Variants in PYROXD1 observed in about 807,000 individuals in gnomAD.
PYROXD1 encodes the protein tRNA ligase complex-associated NAD(P)H dehydrogenase PYROXD1.
A neutral mutation model predicts 62.0 loss-of-function variants in PYROXD1; 42 were observed. That is an observed-to-expected ratio of 0.68 (90% CI 0.53 to 0.88). The LOEUF (loss-of-function observed/expected upper bound fraction) is 0.88. PYROXD1 is among the 40% of genes least tolerant of loss of function. The pLI is 0.00. For synonymous variants in PYROXD1, 170 were observed against 206.4 expected, an observed-to-expected ratio of 0.82 and a Z score of 1.51; for missense variants, 493 against 604.8, an observed-to-expected ratio of 0.82 and a Z score of 1.94.
chr12:21,445,496 T>C, intron 3 of PYROXD1, 30 bp downstream of exon 3: 9 of 1,549,870 alleles, frequency 5.8e-6, no homozygotes, highest in Non-Finnish European at 7.8e-6. Flanking sequence ...AATAACATTT[T>C]CCATTGTTGA....
rs1025992379 is a variant in PYROXD1, at chr12:21,455,216, A to G, written c.573A>G (p.Glu191=). 6.3e-7 allele frequency: 1 copy of G among 1,582,402 alleles called. No homozygotes were observed. The highest frequency in any genetic ancestry group is 2.3e-5 in the East Asian group (1 of 43,548). The part of the protein sequence containing the change: ...GNTFFDAGAA[E]FLTSKLIAEK... ...CTTTCTTCGATGCAGGAGCAGCTGA[A>G]TTCTTGACTTCAAAGCTCATTGCTG... The change falls in exon 6 of 12, where the codon GAA becomes GAG. Residue 191 remains glutamate (E), a synonymous_variant. Transcript: ENST00000240651.
In PYROXD1 at chr12:21,440,464, T is replaced by C; in HGVS notation, c.165+16T>C. On this transcript the variant is annotated intron_variant, in intron 2 of 11. Coordinates refer to ENST00000240651, the MANE Select transcript of PYROXD1 (RefSeq NM_024854.5). Reference sequence around the variant, plus strand: ...TTTCAAGCAGGTAAGAACCTTTGTATAACTTGTTAATATTAATTTGAAAAA... The same window carrying C: ...TTTCAAGCAGGTAAGAACCTTTGTACAACTTGTTAATATTAATTTGAAAAA... The C allele has an allele frequency of 2.1e-6, 3 of 1,429,866 alleles. No individual in the cohort carries two copies. Among genetic ancestry groups the C allele is most frequent in the Non-Finnish European group, 1.9e-6 (2 of 1,032,264 alleles). The allele number at this position is 1,429,866 out of a possible 1,614,324, so 88.6% of individuals were successfully genotyped here. A position where few individuals can be genotyped will look rare whatever the true frequency, so the allele number is the denominator to read the frequency against.
At chr12:21,442,212 A>G (rs962599409) in intron 2 of PYROXD1, among the ~76,000 whole-genome samples, 2 of 152,202 alleles carry the variant, frequency 1.3e-5, no homozygotes, top group Non-Finnish European at 2.9e-5. Context: ...TATGGAGCAG[A>G]TAGAGCTGAG....
In PYROXD1 at chr12:21,462,733, T is replaced by C. The variant is rs765243887; in HGVS notation, c.994-7T>C. ...AACACTTAACGCTTATGAGGAATGTTGTTTAGTTTGATCTAGGAGAAGATG... is the reference window on the plus strand; with the variant it reads ...AACACTTAACGCTTATGAGGAATGTCGTTTAGTTTGATCTAGGAGAAGATG... On this transcript the variant is annotated splice_region_variant and splice_polypyrimidine_tract_variant and intron_variant, in intron 9 of 11. Coordinates refer to ENST00000240651, the MANE Select transcript of PYROXD1 (RefSeq NM_024854.5). The C allele has an allele frequency of 6.2e-7, 1 of 1,613,456 alleles. No individual in the cohort carries two copies. Among genetic ancestry groups the C allele is most frequent in the South Asian group, 1.1e-5 (1 of 91,022 alleles).
chr12:21,447,192 G>A (rs1942406117), intron 3 of PYROXD1, among the ~76,000 whole-genome samples: 1 of 152,052 alleles, frequency 6.6e-6, no homozygotes, highest in African/African-American at 2.4e-5. Context: ...ATGAGTTCTA[G>A]CTCATAAATT....
At chr12:21,443,609 A>T (rs1181872939) in intron 2 of PYROXD1, among the ~76,000 whole-genome samples, 1 of 152,206 alleles carries the variant, frequency 6.6e-6, no homozygotes, top group Non-Finnish European at 1.5e-5. Context: ...CTACAGAACT[A>T]CAATTATAAA....
At position 21,454,010 on chromosome 12, in the gene PYROXD1, A is replaced by G. The variant is rs182928264; in HGVS notation, c.489-1122A>G. ...TAACATAAAATAGAATGTTCACCCA[A>G]TAATCTTCTATGTTTACTGACATAG... On this transcript the variant is annotated intron_variant, in intron 5 of 11. Coordinates refer to ENST00000240651, the MANE Select transcript of PYROXD1 (RefSeq NM_024854.5). Among the ~76,000 whole-genome samples the G allele has an allele frequency of 8.0e-4, 119 of 148,888 alleles. 1 individual carries two copies. The highest frequency in any genetic ancestry group is 3.5e-3 in the Middle Eastern group (1 of 288).
chr12:21,458,751 T>C (rs904728905), intron 7 of PYROXD1, among the ~76,000 whole-genome samples: 2 of 152,088 alleles, frequency 1.3e-5, no homozygotes, highest in African/African-American at 4.8e-5. Flanking sequence ...CACAGAACAT[T>C]TATCGATTAA....
Position 21,440,393 on chromosome 12 carries a change from A to G in PYROXD1, c.110A>G (p.Asp37Gly), listed in dbSNP as rs753066463. 3.1e-6 allele frequency: 5 copies of G among 1,599,168 alleles called. No homozygotes were observed. Among genetic ancestry groups the G allele is most frequent in the Non-Finnish European group, 4.3e-6 (5 of 1,173,080 alleles). The change falls in exon 2 of 12, where the codon GAT becomes GGT. Residue 37 changes from aspartate (D) to glycine (G), a missense_variant. This residue lies in a region of PYROXD1 where 164 missense variants were observed against 158.2 expected (regional missense o/e 1.04). Transcript: ENST00000240651. The stretch of plus-strand genomic sequence containing the variant: ...TTGGCTACTCACTTTCCATCGGAAG[A>G]TATTCTCTTGGTAACAGCTTCTCCT... ...EQLATHFPSE[D>G]ILLVTASPVI...
At chr12:21,444,464 T>A (rs1942350155) in intron 2 of PYROXD1, among the ~76,000 whole-genome samples, 1 of 152,218 alleles carries the variant, frequency 6.6e-6, no homozygotes, top group Non-Finnish European at 1.5e-5. Flanking sequence ...CTCTGTATTA[T>A]GTATTGTTTG....
intron 10 of PYROXD1, among the ~76,000 whole-genome samples, chr12:21,463,258 C>A (rs951093344): frequency 2.6e-5 from 4 of 152,144 alleles, no homozygotes; most frequent in African/African-American, 9.7e-5. Flanking sequence ...TTTTTACTTA[C>A]TTCTCATTAA....
intron 10 of PYROXD1, among the ~76,000 whole-genome samples, chr12:21,463,309 T>C (rs1190049948): frequency 1.3e-5 from 2 of 152,180 alleles, no homozygotes; most frequent in African/African-American, 4.8e-5. Flanking sequence ...AGCACAACTT[T>C]AGATTAAAAA....
At chr12:21,456,618 G>A (rs2417986) in intron 7 of PYROXD1, among the ~76,000 whole-genome samples, 143,313 of 152,212 alleles carry the variant, frequency 0.94, 68,036 homozygotes, top group East Asian at 1. Flanking sequence ...GTTTTGCCTC[G>A]GTATTGGTGG....
intron 3 of PYROXD1, among the ~76,000 whole-genome samples, chr12:21,446,921 GATA>G (rs1173851085): frequency 7.9e-5 from 12 of 151,960 alleles, no homozygotes; most frequent in Non-Finnish European, 5.9e-5. Context: ...TCTCAAAAAG[GATA>G]ATAATAATTT....
At chr12:21,466,422 T>C (rs1258120836) in intron 10 of PYROXD1, among the ~76,000 whole-genome samples, 1 of 151,992 alleles carries the variant, frequency 6.6e-6, no homozygotes, top group Non-Finnish European at 1.5e-5. Flanking sequence ...TTATTCTCTT[T>C]GAAGCAATTG....
chr12:21,440,822 G>A (rs1007818078), intron 2 of PYROXD1, among the ~76,000 whole-genome samples: 1 of 151,940 alleles, frequency 6.6e-6, no homozygotes, highest in South Asian at 2.1e-4. Flanking sequence ...CCATTTTTTT[G>A]TTGTGGTACT....
In PYROXD1 at chr12:21,470,213, C is replaced by A. The variant is rs751738687; in HGVS notation, c.*1459C>A. Reference sequence around the variant, plus strand: ...TTCATATCAGGCATCATCGATTTTTCTTTTCTTAGCTCCTGTATTCTTAGA... The same window carrying A: ...TTCATATCAGGCATCATCGATTTTTATTTTCTTAGCTCCTGTATTCTTAGA... On this transcript the variant is annotated 3_prime_UTR_variant, in exon 12 of 12. Transcript: ENST00000240651. 6.2e-7 allele frequency: 1 copy of A among 1,611,124 alleles called. No individual in the cohort carries two copies. Among genetic ancestry groups the A allele is most frequent in the African/African-American group, 1.3e-5 (1 of 74,810 alleles).
intron 10 of PYROXD1, among the ~76,000 whole-genome samples, chr12:21,466,199 T>G (rs1942790083): frequency 6.6e-6 from 1 of 150,508 alleles, no homozygotes; most frequent in African/African-American, 2.4e-5. Context: ...TCCAATTCTG[T>G]GAAGAAAGTC....
intron 5 of PYROXD1, among the ~76,000 whole-genome samples, chr12:21,453,474 A>C (rs147354579): frequency 5.3e-5 from 8 of 150,978 alleles, no homozygotes; most frequent in Non-Finnish European, 1.2e-4. Context: ...AATGTTCTTC[A>C]TTATACATTT....
Sources: allele counts gnomAD v4.1 joint callset (sites outside exome capture counted in the v4.1 genomes callset), GRCh38; gene constraint gnomAD v4.1.1; regional missense constraint gnomAD v4.1.1; transcripts MANE v1.5; gene names NCBI Gene and HGNC (gene_info 2026-07-23, HGNC 2026-07-21).